The following RORB variants were observed in gnomAD, a reference collection of about 807,000 sequenced individuals.
The protein encoded by RORB is nuclear receptor ROR-beta.
In RORB, 6 loss-of-function variants were observed where a neutral mutation model predicts 59.1. The ratio of observed to expected loss-of-function variants is 0.10; its 90% CI spans 0.06 to 0.20. RORB has a LOEUF of 0.20. Ranked by LOEUF, RORB falls within the 10% of genes least tolerant of loss-of-function variation. The probability of loss-of-function intolerance (pLI) is 1.00; values close to 1 mark genes in which losing one functional copy is unlikely to be tolerated. For missense variants in RORB, 320 were observed against 560.5 expected (o/e 0.57, Z 4.33); for synonymous variants, 215 against 204.5 (o/e 1.05, Z -0.44).
intron 9 of RORB, among the ~76,000 whole-genome samples, chr9:74,677,306 A>G (rs898835414): frequency 6.6e-6 from 1 of 152,148 alleles, no homozygotes; most frequent in Non-Finnish European, 1.5e-5. Context: ...GGCCAGCACT[A>G]CTTTGGGCAT....
intron 5 of RORB, among the ~76,000 whole-genome samples, 167 bp downstream of exon 5, chr9:74,660,905 T>G (rs143486453): frequency 9.4e-4 from 143 of 152,310 alleles, no homozygotes; most frequent in African/African-American, 3.2e-3. Context: ...AGATGTGCCA[T>G]CGCCCTCACA....
At chr9:74,506,217 C>T (rs146108652) in intron 1 of RORB, among the ~76,000 whole-genome samples, 84 of 151,988 alleles carry the variant, frequency 5.5e-4, no homozygotes, top group African/African-American at 1.9e-3. Context: ...GTATGTAGGC[C>T]GTATCTGAAG....
chr9:74,576,008 A>C (rs1822629174), intron 1 of RORB, among the ~76,000 whole-genome samples: 1 of 152,136 alleles, frequency 6.6e-6, no homozygotes, highest in Admixed American at 6.6e-5. Context: ...AAGCCAAACC[A>C]AAGGAGTGTG....
At chr9:74,632,179 T>C (rs1177298077) in intron 2 of RORB, among the ~76,000 whole-genome samples, 1 of 152,120 alleles carries the variant, frequency 6.6e-6, no homozygotes, top group Non-Finnish European at 1.5e-5. Flanking sequence ...CCAAAAAATT[T>C]AACTAGTGCA....
intron 3 of RORB, among the ~76,000 whole-genome samples, chr9:74,641,666 C>T (rs372175707): frequency 3.3e-5 from 5 of 151,754 alleles, no homozygotes; most frequent in South Asian, 4.2e-4. Flanking sequence ...TTTGAGAGGC[C>T]GAGACAGGAG....
Position 74,643,363 on chromosome 9 carries a change from C to A in RORB, c.637+548C>A, listed in dbSNP as rs573268116. ...GAATTCCATATAGGATTCTGAATTA[C>A]AGCAATGAAAAGAGTGTAGTCTGGA... is the stretch of plus-strand genomic sequence containing the variant. On this transcript the variant is annotated intron_variant, in intron 4 of 9. Transcript: ENST00000376896. Among the ~76,000 whole-genome samples, 14 of 152,272 alleles carry A rather than the reference C, an allele frequency of 9.2e-5. 1 individual carries two copies. The South Asian group carries it at 2.9e-3, about 32-fold the overall frequency.
intron 3 of RORB, 108 bp from the exon 4 acceptor site, chr9:74,642,306 T>C: frequency 9.3e-7 from 1 of 1,077,704 alleles, no homozygotes. Context: ...GCTAGACATT[T>C]GTGCATTTGA....
At chr9:74,590,062 T>A (rs1038620922) in intron 1 of RORB, among the ~76,000 whole-genome samples, 32 of 152,202 alleles carry the variant, frequency 2.1e-4, no homozygotes, top group African/African-American at 7.5e-4. Flanking sequence ...TGGATAACAG[T>A]ATTACCTACC....
rs770713328 is a variant in RORB, at chr9:74,564,418, C to A, written c.8-65864C>A. 2.6e-4 allele frequency among the ~76,000 whole-genome samples: 39 copies of A among 152,168 alleles called. 1 individual carries two copies. Among genetic ancestry groups the A allele is most frequent in the Admixed American group, 1.7e-3 (26 of 15,272 alleles). On this transcript the variant is annotated intron_variant, in intron 1 of 9. Transcript: ENST00000376896. Reference sequence around the variant, plus strand: ...TATTTGAATTGTTTTCCAAGAAAACCATTTTCTAGTGTAGTTTTCCCTTCT... The same window carrying A: ...TATTTGAATTGTTTTCCAAGAAAACAATTTTCTAGTGTAGTTTTCCCTTCT...
At chr9:74,618,415 C>A (rs996780197) in intron 1 of RORB, among the ~76,000 whole-genome samples, 1 of 152,052 alleles carries the variant, frequency 6.6e-6, no homozygotes, top group Non-Finnish European at 1.5e-5. Context: ...ACTCACATAC[C>A]TCATGAGAAG....
At chr9:74,568,838 A>G (rs961750976) in intron 1 of RORB, among the ~76,000 whole-genome samples, 3 of 152,250 alleles carry the variant, frequency 2.0e-5, no homozygotes, top group East Asian at 3.9e-4. Flanking sequence ...ATAAGTATAA[A>G]TGTATATTAA....
chr9:74,592,730 T>C (rs889741292), intron 1 of RORB, among the ~76,000 whole-genome samples: 3 of 152,074 alleles, frequency 2.0e-5, no homozygotes, highest in Admixed American at 6.5e-5. Context: ...GTCATCTTCT[T>C]CCTATTTTGC....
At chr9:74,546,849 G>T (rs946511447) in intron 1 of RORB, among the ~76,000 whole-genome samples, 3 of 152,174 alleles carry the variant, frequency 2.0e-5, no homozygotes, top group Non-Finnish European at 4.4e-5. Context: ...CTGACAATGA[G>T]AGTGAAGACA....
intron 1 of RORB, among the ~76,000 whole-genome samples, chr9:74,549,556 GGAAGGAA>G: frequency 4.2e-5 from 1 of 23,974 alleles, no homozygotes; most frequent in Non-Finnish European, 9.6e-5. Context: ...AGGGAAGGAA[GGAAGGAA>G]GGAAGGAAGG....
intron 1 of RORB, among the ~76,000 whole-genome samples, chr9:74,513,027 A>G (rs1209189628): frequency 6.6e-6 from 1 of 152,186 alleles, no homozygotes; most frequent in Non-Finnish European, 1.5e-5. Flanking sequence ...AATGAAATTG[A>G]AGGAAGATGT....
chr9:74,566,187 C>A (rs1220828384), intron 1 of RORB, among the ~76,000 whole-genome samples: 1 of 152,072 alleles, frequency 6.6e-6, no homozygotes, highest in Non-Finnish European at 1.5e-5. Flanking sequence ...CCAGGGAAAT[C>A]CATTAGCCCA....
chr9:74,692,731 C>T lies in RORB; in HGVS notation c.*7113C>T, dbSNP rs1824766042. 1 of 152,152 alleles carries T rather than the reference C, an allele frequency of 6.6e-6. No homozygotes were observed. The highest frequency in any genetic ancestry group is 6.5e-5 in the Admixed American group (1 of 15,268). The allele number at this position is 152,152 out of a possible 1,614,324, so 9.4% of individuals were successfully genotyped here. ...TCTCTTATAGTCACCATTGATTTTT[C>T]TGGAGTTTAATTACATTATTACCAT... On this transcript the variant is annotated 3_prime_UTR_variant, in exon 10 of 10. Coordinates refer to ENST00000376896, the MANE Select transcript of RORB (RefSeq NM_006914.4).
At chr9:74,682,203 G>A (rs1047605048) in intron 9 of RORB, among the ~76,000 whole-genome samples, 1 of 145,688 alleles carries the variant, frequency 6.9e-6, no homozygotes, top group Admixed American at 7.2e-5. Context: ...GGCAGGGACT[G>A]TTATAATCGT....
Position 74,665,496 on chromosome 9 carries a change from G to T in RORB, c.901G>T (p.Glu301Ter), listed in dbSNP as rs999435045. The T allele has an allele frequency of 6.3e-7, 1 of 1,596,360 alleles. No individual in the cohort carries two copies. The highest frequency in any genetic ancestry group is 1.3e-5 in the African/African-American group (1 of 74,676). Reference sequence around the variant, plus strand: ...TTATTTTTTACTCATAGGTTGCTTGGAAGTGGTTTTAGTGAGAATGTGCCG... The same window carrying T: ...TTATTTTTTACTCATAGGTTGCTTGTAAGTGGTTTTAGTGAGAATGTGCCG... Reference protein sequence around the residue: ...QILLLKSGCLEVVLVRMCRAF... With the variant: ...QILLLKSGCL Residue 301 changes from glutamate to a stop codon, truncating the protein, a stop_gained, in exon 7 of 10, where the codon GAA becomes TAA. Coordinates refer to ENST00000376896, the MANE Select transcript of RORB (RefSeq NM_006914.4). LOFTEE classifies it high-confidence loss of function.
Sources: allele counts gnomAD v4.1 joint callset (sites outside exome capture counted in the v4.1 genomes callset), GRCh38; gene constraint gnomAD v4.1.1; transcripts MANE v1.5; gene names NCBI Gene and HGNC (gene_info 2026-07-23, HGNC 2026-07-21).